CTNNA3: variants seen among roughly 807,000 people sequenced by gnomAD.
CTNNA3 encodes catenin alpha 3, also known as catenin alpha-3.
Under a neutral mutation model 95.7 loss-of-function variants are expected in CTNNA3, and 76 were observed. That is an observed-to-expected ratio of 0.79 (90% CI 0.66 to 0.96). CTNNA3 has a LOEUF of 0.96. Among genes scored for constraint, CTNNA3 ranks in the 40% least tolerant of loss-of-function variants. CTNNA3 has a pLI of 0.00. For synonymous variants in CTNNA3, 431 were observed against 374.4 expected, an observed-to-expected ratio of 1.15 and a Z score of -1.74; for missense variants, 1,191 against 1,089.8, an observed-to-expected ratio of 1.09 and a Z score of -1.31.
At chr10:66,653,813 A>T (rs1357474838) in intron 9 of CTNNA3, among the ~76,000 whole-genome samples, 2 of 152,094 alleles carry the variant, frequency 1.3e-5, no homozygotes, top group Non-Finnish European at 2.9e-5. Flanking sequence ...TATATGATCA[A>T]CTAATCTCTG....
At chr10:66,994,346 C>T (rs992731951) in intron 7 of CTNNA3, among the ~76,000 whole-genome samples, 3 of 152,274 alleles carry the variant, frequency 2.0e-5, no homozygotes, top group South Asian at 4.1e-4. Flanking sequence ...CTAATAACTT[C>T]GAAATTTGCT....
chr10:67,224,429 GGTGAATCTTAAACA>G lies in CTNNA3; in HGVS notation c.580-4573_580-4560del, dbSNP rs574354575. Among the ~76,000 whole-genome samples, 20 of 152,296 alleles carry G rather than the reference GGTGAATCTTAAACA, an allele frequency of 1.3e-4. No homozygotes were observed. The East Asian group carries it at 3.9e-3, about 29-fold the overall frequency. ...TCATAAGTGGTGGGATTTCAGAGAA[GGTGAATCTTAAACA>G]GTGAGTAGAAGTTATCCCTATGAGG... On this transcript the variant is annotated intron_variant, in intron 5 of 17. Coordinates refer to ENST00000433211, the MANE Select transcript of CTNNA3 (RefSeq NM_013266.4).
intron 13 of CTNNA3, among the ~76,000 whole-genome samples, chr10:66,164,546 T>G (rs1589607549): frequency 1.3e-5 from 2 of 152,144 alleles, no homozygotes; most frequent in East Asian, 3.9e-4. Context: ...TGTTTCCCTC[T>G]TCCCCTCAGA....
intron 1 of CTNNA3, among the ~76,000 whole-genome samples, chr10:67,673,297 C>T (rs1462759089): frequency 6.7e-6 from 1 of 148,242 alleles, no homozygotes; most frequent in Non-Finnish European, 1.5e-5. Flanking sequence ...ACAATCATGT[C>T]ATCTGCAAAC....
chr10:67,105,875 A>T (rs1336692795), intron 7 of CTNNA3, among the ~76,000 whole-genome samples: 1 of 152,168 alleles, frequency 6.6e-6, no homozygotes, highest in East Asian at 1.9e-4. Context: ...TTATCTGGAG[A>T]AAAGACTGAG....
At chr10:67,201,871 A>G (rs1034457697) in intron 6 of CTNNA3, among the ~76,000 whole-genome samples, 1 of 152,170 alleles carries the variant, frequency 6.6e-6, no homozygotes, top group African/African-American at 2.4e-5. Context: ...TTCAAAATAT[A>G]TTCAGAATTT....
At chr10:67,731,276 G>A (rs1239900521) in intron 1 of CTNNA3, among the ~76,000 whole-genome samples, 2 of 152,246 alleles carry the variant, frequency 1.3e-5, no homozygotes, top group African/African-American at 4.8e-5. Context: ...CCAGCACTTT[G>A]GGAGACTGAG....
intron 17 of CTNNA3, among the ~76,000 whole-genome samples, chr10:65,936,174 CA>C (rs1250892447): frequency 6.6e-6 from 1 of 152,110 alleles, no homozygotes; most frequent in African/African-American, 2.4e-5. Context: ...ACAGACTGCG[CA>C]AGTTCTTCAA....
In CTNNA3 at chr10:66,589,788, A is replaced by T. The variant is rs185328874; in HGVS notation, c.1374+31904T>A. 2.0e-4 allele frequency among the ~76,000 whole-genome samples: 31 copies of T among 152,256 alleles called. 1 individual carries two copies. Among genetic ancestry groups the T allele is most frequent in the African/African-American group, 6.5e-4 (27 of 41,556 alleles). On this transcript the variant is annotated intron_variant, in intron 10 of 17. Coordinates refer to ENST00000433211, the MANE Select transcript of CTNNA3 (RefSeq NM_013266.4). Reference sequence around the variant, plus strand: ...TCCATTGCTTTTTCCCTTAGATAAGATCACTTAAAAACAGTGTTAATCAGA... The same window carrying T: ...TCCATTGCTTTTTCCCTTAGATAAGTTCACTTAAAAACAGTGTTAATCAGA...
Position 67,606,957 on chromosome 10 carries a change from T to TTCC in CTNNA3, c.189_191dup (p.Glu64dup). 1 of 1,614,082 alleles carries TTCC rather than the reference T, an allele frequency of 6.2e-7. No homozygotes were observed. Among genetic ancestry groups the TTCC allele is most frequent in the Non-Finnish European group, 8.5e-7 (1 of 1,179,892 alleles). Reference sequence around the variant, plus strand: ...CCTTGTCTAATAAATTCCAAGTTGCTTCCTCCACAGAAGCTAGAAGGACAC... The same window carrying TTCC: ...CCTTGTCTAATAAATTCCAAGTTGCTTCCTCCTCCACAGAAGCTAGAAGGACAC... On this transcript the variant is annotated inframe_insertion, in exon 3 of 18. Coordinates refer to ENST00000433211, the MANE Select transcript of CTNNA3 (RefSeq NM_013266.4).
At chr10:66,780,399 T>C (rs990280429) in intron 7 of CTNNA3, among the ~76,000 whole-genome samples, 1 of 84,354 alleles carries the variant, frequency 1.2e-5, no homozygotes, top group Non-Finnish European at 2.6e-5. Flanking sequence ...ACTTAAGGAC[T>C]CTATAATAGA....
intron 7 of CTNNA3, among the ~76,000 whole-genome samples, chr10:66,801,507 G>A (rs1271036351): frequency 6.6e-6 from 1 of 151,378 alleles, no homozygotes; most frequent in African/African-American, 2.4e-5. Context: ...AATGCTATTT[G>A]AAACAGCATC....
intron 7 of CTNNA3, among the ~76,000 whole-genome samples, chr10:67,113,031 T>C (rs963930401): frequency 2.0e-5 from 3 of 152,212 alleles, no homozygotes; most frequent in African/African-American, 7.2e-5. Flanking sequence ...AGAACTGGGT[T>C]ACATTCGCTA....
At chr10:66,481,407 C>T (rs1355032081) in intron 11 of CTNNA3, among the ~76,000 whole-genome samples, 1 of 149,124 alleles carries the variant, frequency 6.7e-6, no homozygotes, top group African/African-American at 2.5e-5. Flanking sequence ...TAAGTATATG[C>T]TGTTTTAGGT....
intron 13 of CTNNA3, among the ~76,000 whole-genome samples, chr10:66,253,914 A>G (rs1214650380): frequency 5.9e-5 from 9 of 152,180 alleles, no homozygotes; most frequent in African/African-American, 2.2e-4. Context: ...AGAGGAAAAA[A>G]GAAGGATTTC....
chr10:66,633,447 A>G lies in CTNNA3; in HGVS notation c.1282-11663T>C, dbSNP rs531821713. The stretch of plus-strand genomic sequence containing the variant: ...TGTAATCCCAGCACTTTGGGAGGCC[A>G]AGGCGGGCAGATCACGAGGTCAGGA... On this transcript the variant is annotated intron_variant, in intron 9 of 17. Transcript: ENST00000433211. 3.2e-3 allele frequency among the ~76,000 whole-genome samples: 480 copies of G among 152,232 alleles called. 6 individuals are homozygous for G. The highest frequency in any genetic ancestry group is 0.014 in the South Asian group (70 of 4,828).
chr10:66,492,042 T>C (rs971173372), intron 11 of CTNNA3, among the ~76,000 whole-genome samples: 1 of 152,154 alleles, frequency 6.6e-6, no homozygotes, highest in Non-Finnish European at 1.5e-5. Flanking sequence ...AGTGGTTCCC[T>C]AGTTGTTTCA....
chr10:66,927,712 G>A lies in CTNNA3; in HGVS notation c.1048-152188C>T. ...GCTTGATTTATCAGGCAATGAGATC[G>A]AAGCTTTCAGTGGACCCAGTGTTTT... On this transcript the variant is annotated intron_variant, in intron 7 of 17. Transcript: ENST00000433211. This position sits in a 1 kb window ranked among gnomAD's most constrained non-coding sequence, Gnocchi z 4.7. The A allele has an allele frequency of 1.9e-6, 3 of 1,614,146 alleles. No individual in the cohort carries two copies. Among genetic ancestry groups the A allele is most frequent in the Non-Finnish European group, 2.5e-6 (3 of 1,180,040 alleles).
intron 15 of CTNNA3, among the ~76,000 whole-genome samples, chr10:66,062,080 C>A (rs925245372): frequency 6.6e-6 from 1 of 152,046 alleles, no homozygotes; most frequent in African/African-American, 2.4e-5. Flanking sequence ...ATTTATCTGA[C>A]CTCTATTTCT....
Sources: allele counts gnomAD v4.1 joint callset (sites outside exome capture counted in the v4.1 genomes callset), GRCh38; gene constraint gnomAD v4.1.1; non-coding constraint Gnocchi (gnomAD v3.1); transcripts MANE v1.5; gene names NCBI Gene and HGNC (gene_info 2026-07-23, HGNC 2026-07-21).